Variants in SSR1 observed in about 807,000 individuals in gnomAD.
SSR1 encodes the protein signal sequence receptor subunit 1, also known as translocon-associated protein subunit alpha.
A neutral mutation model predicts 36.1 loss-of-function variants in SSR1; 13 were observed. The observed-to-expected ratio is 0.36, with a 90% CI of 0.23 to 0.57. SSR1 has a LOEUF of 0.57. Ranked by LOEUF, SSR1 falls within the 20% of genes least tolerant of loss-of-function variation. The pLI is 0.81. For synonymous variants in SSR1, 113 were observed against 118.9 expected, an observed-to-expected ratio of 0.95 and a Z score of 0.32; for missense variants, 291 against 338.5, an observed-to-expected ratio of 0.86 and a Z score of 1.10.
At chr6:7,301,690 C>G (rs1256436013) in intron 3 of SSR1, 118 bp from the exon 4 acceptor site, 2 of 1,081,536 alleles carry the variant, frequency 1.8e-6, no homozygotes, top group African/African-American at 3.2e-5. Flanking sequence ...GTCAGAATCC[C>G]TTCCAATAGA....
At chr6:7,292,762 G>C (rs1757711258) in intron 7 of SSR1, among the ~76,000 whole-genome samples, 1 of 152,032 alleles carries the variant, frequency 6.6e-6, no homozygotes, top group South Asian at 2.1e-4. Flanking sequence ...AAAGTTGTTA[G>C]CATAGCTCAT....
rs375293175 is a variant in SSR1, at chr6:7,310,950, T to A, written c.80-921A>T. Among the ~76,000 whole-genome samples, 18 of 152,158 alleles carry A rather than the reference T, an allele frequency of 1.2e-4. 1 individual carries two copies. The highest frequency in any genetic ancestry group is 4.1e-4 in the African/African-American group (17 of 41,444). On this transcript the variant is annotated intron_variant, in intron 1 of 7. Coordinates refer to ENST00000244763, the MANE Select transcript of SSR1 (RefSeq NM_003144.5). ...AAAAAAATAAAGCATTCTTAAGTTC[T>A]AATGTTCTATGTAGGAAACACTGTT...
At chr6:7,295,042 C>T (rs1351327411) in intron 7 of SSR1, 1 of 1,463,742 alleles carries the variant, frequency 6.8e-7, no homozygotes, top group Non-Finnish European at 9.0e-7. Flanking sequence ...TATTTGAGAG[C>T]CCCCAATTCT....
intron 3 of SSR1, among the ~76,000 whole-genome samples, chr6:7,301,942 T>C (rs1218429764): frequency 6.6e-6 from 1 of 152,138 alleles, no homozygotes; most frequent in Non-Finnish European, 1.5e-5. Flanking sequence ...TCTGTGCAGG[T>C]AAATAGAAGA....
chr6:7,305,660 GGGTTAGCCTTAGAAGA>G (rs1758038012), intron 2 of SSR1, among the ~76,000 whole-genome samples: 1 of 152,226 alleles, frequency 6.6e-6, no homozygotes, highest in Non-Finnish European at 1.5e-5. Flanking sequence ...ACAGGTGGAA[GGGTTAGCCTTAGAAGA>G]GAACAAGGAC....
intron 2 of SSR1, among the ~76,000 whole-genome samples, chr6:7,306,967 G>T: frequency 7.9e-6 from 1 of 126,064 alleles, no homozygotes; most frequent in Non-Finnish European, 1.7e-5. Context: ...AAAAAAAAAA[G>T]GTTTGTCCTC....
rs138740029 is a variant in SSR1, at chr6:7,305,187, A to G, written c.193-1550T>C. 2.4e-4 allele frequency among the ~76,000 whole-genome samples: 36 copies of G among 152,364 alleles called. No homozygotes were observed. In the East Asian group the frequency reaches 6.0e-3, roughly 25 times the overall value. ...GGAATAAAAACAAACGGAAGAAGTA[A>G]CAAGACAACAGCTTGAATCACTGGA... On this transcript the variant is annotated intron_variant, in intron 2 of 7. Transcript: ENST00000244763.
intron 3 of SSR1, 31 bp from the exon 4 acceptor site, chr6:7,301,603 G>A (rs751098509): frequency 3.2e-6 from 5 of 1,581,414 alleles, no homozygotes; most frequent in Non-Finnish European, 4.3e-6. Flanking sequence ...AAAAAAATTA[G>A]AACACATGGA....
chr6:7,308,145 T>C (rs1758111007), intron 2 of SSR1, among the ~76,000 whole-genome samples: 1 of 152,220 alleles, frequency 6.6e-6, no homozygotes, highest in Non-Finnish European at 1.5e-5. Context: ...TAAAGGTATG[T>C]GTATACATAC....
intron 2 of SSR1, 162 bp downstream of exon 2, chr6:7,309,755 G>A (rs1315241429): frequency 1.9e-5 from 12 of 634,260 alleles, no homozygotes; most frequent in Admixed American, 7.7e-5. Context: ...TGCCATGATG[G>A]TAAGTTTCCT....
intron 2 of SSR1, among the ~76,000 whole-genome samples, chr6:7,307,268 C>A (rs1186552078): frequency 6.6e-6 from 1 of 152,230 alleles, no homozygotes; most frequent in Admixed American, 6.5e-5. Flanking sequence ...CCTACCCCTG[C>A]TGGTGTGGTC....
At chr6:7,302,767 C>T (rs544777227) in intron 3 of SSR1, among the ~76,000 whole-genome samples, 1 of 150,482 alleles carries the variant, frequency 6.6e-6, no homozygotes, top group Admixed American at 6.6e-5. Context: ...TCTCAAAAAA[C>T]AAACAAACAA....
intron 5 of SSR1, 48 bp downstream of exon 5, chr6:7,298,699 T>G: frequency 7.0e-7 from 1 of 1,423,876 alleles, no homozygotes; most frequent in South Asian, 1.1e-5. Context: ...CTTTCCAGTC[T>G]TACTTTACGA....
At chr6:7,305,227 A>C (rs3778329) in intron 2 of SSR1, among the ~76,000 whole-genome samples, 13,907 of 152,252 alleles carry the variant, frequency 0.091, 990 homozygotes, top group East Asian at 0.34. Context: ...TATCAAAACA[A>C]TAAAGAGTTT....
At position 7,298,019 on chromosome 6, in the gene SSR1, A is replaced by C; in HGVS notation, c.621-18T>G. On this transcript the variant is annotated intron_variant, in intron 5 of 7. Transcript: ENST00000244763. The stretch of plus-strand genomic sequence containing the variant: ...TAAAGATTCTGGTACAAAAGGAGAA[A>C]ATATGAACTGTCTTTAATTCAGAGG... 1 of 1,583,226 alleles carries C rather than the reference A, an allele frequency of 6.3e-7. No homozygotes were observed.
At chr6:7,309,725 G>A (rs1581638517) in intron 2 of SSR1, among the ~76,000 whole-genome samples, 192 bp downstream of exon 2, 1 of 152,292 alleles carries the variant, frequency 6.6e-6, no homozygotes, top group East Asian at 1.9e-4. Flanking sequence ...TGTGAAGAAG[G>A]ACATGTTTGC....
At chr6:7,312,921 A>T in intron 1 of SSR1, 121 bp downstream of exon 1, 1 of 993,140 alleles carries the variant, frequency 1.0e-6, no homozygotes, top group South Asian at 1.4e-5. Context: ...GAGGGCGGAG[A>T]GAGGCCAGCG....
At position 7,284,513 on chromosome 6, in the gene SSR1, T is replaced by C. The variant is rs1234181967; in HGVS notation, c.*5351A>G. 1 of 152,194 alleles carries C rather than the reference T, an allele frequency of 6.6e-6. No individual in the cohort carries two copies. Among genetic ancestry groups the C allele is most frequent in the Non-Finnish European group, 1.5e-5 (1 of 68,054 alleles). 9.4% of individuals were successfully genotyped at this position (152,194 alleles called of 1,614,324 possible). On this transcript the variant is annotated 3_prime_UTR_variant, in exon 8 of 8. Coordinates refer to ENST00000244763, the MANE Select transcript of SSR1 (RefSeq NM_003144.5). Reference sequence around the variant, plus strand: ...CCGCCCCATGCTTCATGGGATGTTATTACAGTATGGTGCTTTACAGCGAAA... The same window carrying C: ...CCGCCCCATGCTTCATGGGATGTTACTACAGTATGGTGCTTTACAGCGAAA...
At chr6:7,299,689 C>T (rs76565918) in intron 4 of SSR1, among the ~76,000 whole-genome samples, 1 of 113,254 alleles carries the variant, frequency 8.8e-6, no homozygotes, top group African/African-American at 3.4e-5. Flanking sequence ...ACTCCCACCT[C>T]AAAAAAAAAA....
Sources: gnomAD v4.1 joint callset for allele counts (sites outside exome capture counted in the v4.1 genomes callset) on GRCh38, gnomAD v4.1.1 for gene constraint, MANE v1.5 for transcripts, NCBI Gene and HGNC (gene_info 2026-07-23, HGNC 2026-07-21) for gene names.